The following SNAP47 variants were observed in gnomAD, a reference collection of about 807,000 sequenced individuals.
SNAP47 encodes synaptosomal-associated protein 47.
Under a neutral mutation model 31.4 loss-of-function variants are expected in SNAP47, and 20 were observed. The ratio of observed to expected loss-of-function variants is 0.64; its 90% CI spans 0.45 to 0.93. The LOEUF is 0.93. Ranked by LOEUF, SNAP47 falls within the 40% of genes least tolerant of loss-of-function variation. SNAP47 has a pLI of 0.00. For missense variants in SNAP47, 492 were observed against 528.5 expected (o/e 0.93, Z 0.68); for synonymous variants, 194 against 213.4 (o/e 0.91, Z 0.79).
intron 1 of SNAP47, among the ~76,000 whole-genome samples, chr1:227,737,033 A>G (rs1661254936): frequency 6.6e-6 from 1 of 152,170 alleles, no homozygotes; most frequent in Non-Finnish European, 1.5e-5. Context: ...ATGCCTGGAA[A>G]TGTTAAAGGC....
In SNAP47 at chr1:227,776,222, C is replaced by T. The variant is rs1664150350; in HGVS notation, c.1114-4305C>T. 2.8e-6 allele frequency: 3 copies of T among 1,076,146 alleles called. No homozygotes were observed. The South Asian group carries it at 8.7e-5, about 31-fold the overall frequency. 66.7% of individuals were successfully genotyped at this position (1,076,146 alleles called of 1,614,324 possible). On this transcript the variant is annotated intron_variant, in intron 4 of 4. Coordinates refer to ENST00000617596, the MANE Select transcript of SNAP47 (RefSeq NM_053052.4). ...CCACTGATGCTCTAAGCTGCAGCTT[C>T]TCTTAGGAACACTTCTATCAGGTCT...
chr1:227,753,418 G>A (rs890256730), intron 2 of SNAP47, among the ~76,000 whole-genome samples: 5 of 152,152 alleles, frequency 3.3e-5, no homozygotes, highest in African/African-American at 9.7e-5. Flanking sequence ...GGTTCACGGG[G>A]CATTCTTATC....
upstream of SNAP47, chr1:227,732,745 G>A (rs1660749208): frequency 3.8e-6 from 6 of 1,595,308 alleles, no homozygotes; most frequent in Non-Finnish European, 4.3e-6. Context: ...GACCCGACAT[G>A]CGCCCAGTCC....
chr1:227,738,147 T>G (rs1357979888), intron 1 of SNAP47, among the ~76,000 whole-genome samples: 2 of 152,188 alleles, frequency 1.3e-5, no homozygotes, highest in Non-Finnish European at 2.9e-5. Flanking sequence ...GTTCAAGTGA[T>G]TCTCCTGCCT....
intron 4 of SNAP47, 105 bp from the exon 5 acceptor site, chr1:227,780,422 A>C: frequency 6.7e-7 from 1 of 1,496,814 alleles, no homozygotes; most frequent in South Asian, 1.3e-5. Context: ...GGCATCACCC[A>C]GGTGGTAACG....
chr1:227,769,915 G>T (rs1295897232), intron 4 of SNAP47, among the ~76,000 whole-genome samples: 2 of 152,202 alleles, frequency 1.3e-5, no homozygotes, highest in African/African-American at 4.8e-5. Context: ...CCTGCTTTGG[G>T]GTTGCTGTGT....
rs114306193 is a variant in SNAP47 at position 227,777,226 on chromosome 1, A to G, written c.1114-3301A>G. On this transcript the variant is annotated intron_variant, in intron 4 of 4. Coordinates refer to ENST00000617596, the MANE Select transcript of SNAP47 (RefSeq NM_053052.4). ...GGTTACGTAGTGAAGTTTTCCATACATGAAACATAAAGTGATCACATCACA... is the reference window on the plus strand; with the variant it reads ...GGTTACGTAGTGAAGTTTTCCATACGTGAAACATAAAGTGATCACATCACA... 798 of 464,238 alleles carry G rather than the reference A, an allele frequency of 1.7e-3. 5 individuals are homozygous for G. Among genetic ancestry groups the G allele is most frequent in the African/African-American group, 0.016 (733 of 47,190 alleles). 28.8% of individuals were successfully genotyped at this position (464,238 alleles called of 1,614,324 possible).
intron 2 of SNAP47, among the ~76,000 whole-genome samples, chr1:227,756,505 A>T (rs910668785): frequency 6.6e-6 from 1 of 152,274 alleles, no homozygotes; most frequent in Non-Finnish European, 1.5e-5. Context: ...TTTGATACAC[A>T]GAATATTTCT....
upstream of SNAP47, chr1:227,728,601 C>T (rs1660454148): frequency 6.7e-6 from 1 of 150,226 alleles, no homozygotes; most frequent in Non-Finnish European, 1.5e-5. Flanking sequence ...CGCCTCCCGC[C>T]CCAACCTAGT....
intron 4 of SNAP47, 33 bp from the exon 5 acceptor site, chr1:227,780,494 C>T (rs1162131064): frequency 6.2e-7 from 1 of 1,612,286 alleles, no homozygotes; most frequent in Non-Finnish European, 8.5e-7. Context: ...GCAGAGATGG[C>T]AGCCTCTGCT....
chr1:227,774,095 CG>C (rs1384230332), intron 4 of SNAP47, among the ~76,000 whole-genome samples: 1 of 152,168 alleles, frequency 6.6e-6, no homozygotes, highest in Non-Finnish European at 1.5e-5. Flanking sequence ...CCTCCCAGTC[CG>C]TGGCCCATCT....
At chr1:227,778,114 G>A (rs1373081242) in intron 4 of SNAP47, among the ~76,000 whole-genome samples, 1 of 152,230 alleles carries the variant, frequency 6.6e-6, no homozygotes, top group Non-Finnish European at 1.5e-5. Flanking sequence ...CATAGCGACG[G>A]GGGAAAAAGC....
At chr1:227,751,991 T>C (rs1404895913) in intron 2 of SNAP47, among the ~76,000 whole-genome samples, 1 of 152,068 alleles carries the variant, frequency 6.6e-6, no homozygotes, top group Non-Finnish European at 1.5e-5. Context: ...GGTTTCAATC[T>C]CCTGACCTCG....
At chr1:227,767,186 C>T in intron 4 of SNAP47, 103 bp downstream of exon 4, 1 of 1,502,344 alleles carries the variant, frequency 6.7e-7, no homozygotes, top group Non-Finnish European at 9.0e-7. Flanking sequence ...GGTCATCCAT[C>T]CGTATTGGCC....
upstream of SNAP47, among the ~76,000 whole-genome samples, chr1:227,730,152 G>C (rs185971307): frequency 2.3e-4 from 35 of 152,312 alleles, no homozygotes; most frequent in Admixed American, 1.5e-3. Flanking sequence ...GACACGCAAA[G>C]GGCAGGGGCT....
intron 4 of SNAP47, among the ~76,000 whole-genome samples, chr1:227,767,488 T>G (rs7555208): frequency 0.011 from 1,673 of 152,252 alleles, 34 homozygotes; most frequent in African/African-American, 0.039. Context: ...TGTGTACATA[T>G]GTTATGCATG....
intron 1 of SNAP47, among the ~76,000 whole-genome samples, chr1:227,739,731 G>A (rs1661465308): frequency 6.6e-6 from 1 of 152,244 alleles, no homozygotes; most frequent in Admixed American, 6.5e-5. Context: ...TGCGTGCTGA[G>A]CCATCCCTGT....
rs530265224 is a variant in SNAP47 at position 227,773,633 on chromosome 1, G to A, written c.1113+6550G>A. ...GCTCACGGGAAGCGCTCTACACTGCGTGCCATTTCGTATCTTTATGCTGCA... is the reference window on the plus strand; with the variant it reads ...GCTCACGGGAAGCGCTCTACACTGCATGCCATTTCGTATCTTTATGCTGCA... On this transcript the variant is annotated intron_variant, in intron 4 of 4. Coordinates refer to ENST00000617596, the MANE Select transcript of SNAP47 (RefSeq NM_053052.4). Among the ~76,000 whole-genome samples, 10 of 152,350 alleles carry A rather than the reference G, an allele frequency of 6.6e-5. 2 individuals are homozygous for A. The highest frequency in any genetic ancestry group is 2.0e-4 in the Admixed American group (3 of 15,308).
chr1:227,772,150 G>A (rs1413625262), intron 4 of SNAP47, among the ~76,000 whole-genome samples: 2 of 152,162 alleles, frequency 1.3e-5, no homozygotes, highest in Admixed American at 6.5e-5. Flanking sequence ...GGCTGTGGAA[G>A]GTAATACGTG....
Sources: allele counts gnomAD v4.1 joint callset (sites outside exome capture counted in the v4.1 genomes callset), GRCh38; gene constraint gnomAD v4.1.1; transcripts MANE v1.5; gene names NCBI Gene and HGNC (gene_info 2026-07-23, HGNC 2026-07-21).